Variants in TPO observed in about 807,000 individuals in gnomAD.
TPO encodes thyroid peroxidase.
In TPO, 78 loss-of-function variants were observed where a neutral mutation model predicts 96.9. The observed-to-expected ratio is 0.81, with a 90% CI of 0.67 to 0.97. TPO has a LOEUF of 0.97. TPO is among the 50% of genes least tolerant of loss of function. The probability of loss-of-function intolerance (pLI) is 0.00; values close to 1 mark genes in which losing one functional copy is unlikely to be tolerated. For synonymous variants in TPO, 547 were observed against 538.0 expected (o/e 1.02, Z -0.23); for missense variants, 1,252 against 1,274.8 (o/e 0.98, Z 0.27).
intron 2 of TPO, among the ~76,000 whole-genome samples, chr2:1,421,492 A>G (rs1319891737): frequency 6.6e-6 from 1 of 152,142 alleles, no homozygotes; most frequent in Non-Finnish European, 1.5e-5. Context: ...CCCCTCTGCC[A>G]CTTAAGAATG....
intron 15 of TPO, among the ~76,000 whole-genome samples, chr2:1,531,279 C>T (rs1412886942): frequency 1.7e-5 from 2 of 115,856 alleles, no homozygotes; most frequent in Non-Finnish European, 3.6e-5. Flanking sequence ...CTTCTCAAAT[C>T]CCCCCTAATG....
intron 7 of TPO, among the ~76,000 whole-genome samples, chr2:1,473,728 AT>A (rs1321496153): frequency 6.6e-6 from 1 of 152,018 alleles, no homozygotes; most frequent in Non-Finnish European, 1.5e-5. Context: ...ATTTTGTTAA[AT>A]TTACACACCT....
chr2:1,470,858 G>A (rs1162869619), intron 7 of TPO, among the ~76,000 whole-genome samples: 1 of 152,144 alleles, frequency 6.6e-6, no homozygotes, highest in Non-Finnish European at 1.5e-5. Context: ...TCCCAGCATC[G>A]GCAGAGGAGG....
chr2:1,428,592 C>CCATG (rs1664664787), intron 3 of TPO, among the ~76,000 whole-genome samples: 1 of 152,120 alleles, frequency 6.6e-6, no homozygotes, highest in Non-Finnish European at 1.5e-5. Context: ...TTGTGTTGTC[C>CCATG]CATGGGTGCC....
chr2:1,454,761 A>G (rs6588669), intron 6 of TPO, among the ~76,000 whole-genome samples: 141,434 of 152,236 alleles, frequency 0.93, 65,772 homozygotes, highest in South Asian at 0.98. Flanking sequence ...GGCTTTTTAA[A>G]CTCTCAGTAT....
chr2:1,468,392 C>T (rs553650526), intron 7 of TPO, among the ~76,000 whole-genome samples: 1 of 152,232 alleles, frequency 6.6e-6, no homozygotes, highest in African/African-American at 2.4e-5. Context: ...TCTTGTAGTG[C>T]TGCCTTGGTA....
chr2:1,430,727 A>T (rs1664895775), intron 3 of TPO, among the ~76,000 whole-genome samples: 1 of 152,252 alleles, frequency 6.6e-6, no homozygotes, highest in African/African-American at 2.4e-5. Flanking sequence ...CAGGACACGG[A>T]GTCAAAGGAG....
intron 7 of TPO, among the ~76,000 whole-genome samples, chr2:1,470,220 G>A (rs910578911): frequency 2.0e-5 from 3 of 151,946 alleles, no homozygotes; most frequent in African/African-American, 7.2e-5. Context: ...AAAGCAAGAA[G>A]CTGAGGCACA....
chr2:1,489,866 G>A (rs1031324275), intron 10 of TPO, among the ~76,000 whole-genome samples: 3 of 152,248 alleles, frequency 2.0e-5, no homozygotes, highest in Non-Finnish European at 2.9e-5. Context: ...GCCCAGGACA[G>A]TAGAGTCAAC....
chr2:1,443,484 T>A (rs577453799), intron 5 of TPO, among the ~76,000 whole-genome samples: 30 of 147,874 alleles, frequency 2.0e-4, no homozygotes, highest in Non-Finnish European at 3.6e-4. Flanking sequence ...GGAGGCAACA[T>A]GTTGGAAGGG....
At chr2:1,476,749 C>T (rs887211010) in intron 7 of TPO, among the ~76,000 whole-genome samples, 2 of 152,132 alleles carry the variant, frequency 1.3e-5, no homozygotes, top group African/African-American at 2.4e-5. Context: ...TCAACCTCTT[C>T]CAGGCAAGAG....
chr2:1,469,905 G>A (rs1223583152), intron 7 of TPO, among the ~76,000 whole-genome samples: 3 of 152,048 alleles, frequency 2.0e-5, no homozygotes, highest in East Asian at 1.9e-4. Context: ...CGTCGTTCTG[G>A]AGCAAAAGTT....
chr2:1,409,168 CG>C (rs929486486), upstream of TPO, among the ~76,000 whole-genome samples: 6 of 152,268 alleles, frequency 3.9e-5, no homozygotes, highest in African/African-American at 1.4e-4. Flanking sequence ...GAGCCTCGCA[CG>C]GGGACGTGAC....
At chr2:1,429,174 G>A (rs1664733301) in intron 3 of TPO, among the ~76,000 whole-genome samples, 1 of 152,138 alleles carries the variant, frequency 6.6e-6, no homozygotes, top group South Asian at 2.1e-4. Flanking sequence ...CTTCACGTGA[G>A]ATCTGGTTGT....
At chr2:1,519,385 C>T (rs1030942318) in intron 15 of TPO, among the ~76,000 whole-genome samples, 1 of 152,208 alleles carries the variant, frequency 6.6e-6, no homozygotes, top group African/African-American at 2.4e-5. Context: ...CCCTGCTTCT[C>T]CTCGCGAGAA....
At chr2:1,527,782 A>C (rs1341745364) in intron 15 of TPO, among the ~76,000 whole-genome samples, 3 of 117,198 alleles carry the variant, frequency 2.6e-5, no homozygotes, top group Non-Finnish European at 5.1e-5. Flanking sequence ...CACTCTGTGC[A>C]ACCTCCCAAA....
chr2:1,414,442 G>A lies in TPO; in HGVS notation c.34G>A (p.Val12Ile). ...RALAVLSVTLVMACTEAFFPF... is the reference protein window; with the variant it reads ...RALAVLSVTLIMACTEAFFPF... Reference sequence around the variant, plus strand: ...GCTCGCTGTGCTGTCTGTCACGCTGGTTATGGCCTGCACAGAAGCCTTCTT... The same window carrying A: ...GCTCGCTGTGCTGTCTGTCACGCTGATTATGGCCTGCACAGAAGCCTTCTT... The change falls in exon 2 of 17, where the codon GTT (valine) becomes ATT (isoleucine). Residue 12 changes from valine to isoleucine, a missense_variant. Physicochemically the swap from Val to Ile is conservative, Grantham distance 29 (BLOSUM62 3). Coordinates refer to ENST00000329066, the MANE Select transcript of TPO (RefSeq NM_001206744.2). 6.2e-7 allele frequency: 1 copy of A among 1,614,058 alleles called. No individual in the cohort carries two copies. Among genetic ancestry groups the A allele is most frequent in the Non-Finnish European group, 8.5e-7 (1 of 1,179,998 alleles).
intron 15 of TPO, among the ~76,000 whole-genome samples, chr2:1,534,671 C>T (rs867205799): frequency 1.9e-4 from 27 of 142,632 alleles, no homozygotes; most frequent in Middle Eastern, 4.1e-3. Flanking sequence ...ATACCCCCCC[C>T]ACTCTGTGCA....
In TPO at chr2:1,413,514, A is replaced by T; in HGVS notation, c.-33A>T. ...AGAGTTACAGCCGTGAAAATTACTC[A>T]GCAGTGCAGTTGGCTGAGAAGAGGA... On this transcript the variant is annotated 5_prime_UTR_variant, in exon 1 of 17. Transcript: ENST00000329066. The T allele has an allele frequency of 4.3e-6, 1 of 232,150 alleles. No individual in the cohort carries two copies. The highest frequency in any genetic ancestry group is 7.1e-6 in the Non-Finnish European group (1 of 141,282). The allele number at this position is 232,150 out of a possible 1,614,324, so 14.4% of individuals were successfully genotyped here.
Sources: allele counts gnomAD v4.1 joint callset (sites outside exome capture counted in the v4.1 genomes callset), GRCh38; gene constraint gnomAD v4.1.1; transcripts MANE v1.5; gene names NCBI Gene and HGNC (gene_info 2026-07-23, HGNC 2026-07-21).